Variants in ABTB2 observed in about 807,000 individuals in gnomAD.
ABTB2 encodes the protein ankyrin repeat and BTB domain containing 2, also known as ankyrin repeat and BTB/POZ domain-containing protein 2.
ABTB2 carries 56 observed loss-of-function variants against 104.1 expected under a neutral mutation model. The ratio of observed to expected loss-of-function variants is 0.54; its 90% CI spans 0.43 to 0.67. The LOEUF is 0.67. Ranked by LOEUF, ABTB2 falls within the 30% of genes least tolerant of loss-of-function variation. ABTB2 has a pLI of 0.00. For synonymous variants in ABTB2, 606 were observed against 608.2 expected, an observed-to-expected ratio of 1.00 and a Z score of 0.05; for missense variants, 1,279 against 1,407.7, an observed-to-expected ratio of 0.91 and a Z score of 1.46.
intron 1 of ABTB2, among the ~76,000 whole-genome samples, chr11:34,217,253 T>C (rs188563551): frequency 9.2e-5 from 14 of 152,334 alleles, no homozygotes; most frequent in South Asian, 8.3e-4. Context: ...ACAACTCTCC[T>C]GGGATAAGTC....
intron 1 of ABTB2, among the ~76,000 whole-genome samples, chr11:34,328,437 C>G (rs1180723187): frequency 6.6e-6 from 1 of 152,168 alleles, no homozygotes; most frequent in African/African-American, 2.4e-5. Context: ...GCCTAACCTC[C>G]CCAAGCCTCT....
chr11:34,310,333 C>G (rs1464822708), intron 1 of ABTB2, among the ~76,000 whole-genome samples: 1 of 152,154 alleles, frequency 6.6e-6, no homozygotes, highest in Admixed American at 6.5e-5. Context: ...AGCATCTACC[C>G]TGCTGTGAGT....
intron 13 of ABTB2, 148 bp downstream of exon 13, chr11:34,159,758 C>T (rs1389287001): frequency 3.3e-5 from 22 of 672,534 alleles, no homozygotes; most frequent in Admixed American, 1.5e-4. Flanking sequence ...CGCTGTGGGG[C>T]GAGTGGGGCT....
At chr11:34,332,079 TA>T (rs1382686117) in intron 1 of ABTB2, among the ~76,000 whole-genome samples, 1 of 152,226 alleles carries the variant, frequency 6.6e-6, no homozygotes, top group African/African-American at 2.4e-5. Flanking sequence ...CCCAGTATAG[TA>T]TGCAATAGCC....
chr11:34,343,621 C>T (rs1166624401), intron 1 of ABTB2, among the ~76,000 whole-genome samples: 1 of 151,932 alleles, frequency 6.6e-6, no homozygotes, highest in Non-Finnish European at 1.5e-5. Context: ...ATTACAGGCG[C>T]CTGCCACCAC....
intron 1 of ABTB2, among the ~76,000 whole-genome samples, chr11:34,296,898 G>C (rs1854629285): frequency 6.6e-6 from 1 of 152,172 alleles, no homozygotes; most frequent in Non-Finnish European, 1.5e-5. Flanking sequence ...AGTTATGGCA[G>C]GATGAAGAAG....
chr11:34,326,941 G>T (rs1855077029), intron 1 of ABTB2, among the ~76,000 whole-genome samples: 1 of 152,160 alleles, frequency 6.6e-6, no homozygotes, highest in Non-Finnish European at 1.5e-5. Flanking sequence ...TTTGGGCGTG[G>T]TGGTGGGTTC....
chr11:34,187,837 A>AG (rs1853121957), intron 3 of ABTB2, among the ~76,000 whole-genome samples: 1 of 152,178 alleles, frequency 6.6e-6, no homozygotes, highest in African/African-American at 2.4e-5. Context: ...GATGGACTAA[A>AG]GAGCAGGGAC....
At chr11:34,329,727 G>A (rs1855107989) in intron 1 of ABTB2, among the ~76,000 whole-genome samples, 1 of 152,230 alleles carries the variant, frequency 6.6e-6, no homozygotes, top group African/African-American at 2.4e-5. Flanking sequence ...GAATCCAGAA[G>A]CAAGAGTAAG....
chr11:34,356,564 C>G lies in ABTB2; in HGVS notation c.883+137G>C. ...CTCTGGCAAGTGCCATGTAATGAAC[C>G]CTATCCTCAGACCAAACGTTTTCTC... On this transcript the variant is annotated intron_variant, in intron 1 of 16. Coordinates refer to ENST00000435224, the MANE Select transcript of ABTB2 (RefSeq NM_145804.3). The surrounding 1 kb of genome is among the most constrained non-coding windows in gnomAD (Gnocchi z 4.6). 8.2e-7 allele frequency: 1 copy of G among 1,225,824 alleles called. No individual in the cohort carries two copies. The highest frequency in any genetic ancestry group is 1.1e-6 in the Non-Finnish European group (1 of 897,966). 75.9% of individuals were successfully genotyped at this position (1,225,824 alleles called of 1,614,324 possible). A position where few individuals can be genotyped will look rare whatever the true frequency, so the allele number is the denominator to read the frequency against.
intron 1 of ABTB2, among the ~76,000 whole-genome samples, chr11:34,257,826 T>G (rs1329691564): frequency 6.6e-6 from 1 of 152,156 alleles, no homozygotes; most frequent in Non-Finnish European, 1.5e-5. Flanking sequence ...CTCAAACTCC[T>G]GGGCTCAAGC....
rs1272446361 is a variant in ABTB2, at chr11:34,155,387, C to T, written c.2698-618G>A. 2.0e-5 allele frequency among the ~76,000 whole-genome samples: 3 copies of T among 152,276 alleles called. No individual in the cohort carries two copies. In the East Asian group the frequency reaches 5.8e-4, roughly 29 times the overall value. On this transcript the variant is annotated intron_variant, in intron 14 of 16. Transcript: ENST00000435224. The stretch of plus-strand genomic sequence containing the variant: ...CCCGGAGGCCCGGAGCTCCCCTCGA[C>T]AGGCTGAGCCCTGCCTTGGGCTCCC...
intron 1 of ABTB2, among the ~76,000 whole-genome samples, chr11:34,333,118 C>G (rs1163707849): frequency 6.6e-6 from 1 of 152,182 alleles, no homozygotes; most frequent in Non-Finnish European, 1.5e-5. Context: ...AGTACTATCA[C>G]TTTAAAAAAT....
At chr11:34,265,968 T>G (rs907686643) in intron 1 of ABTB2, among the ~76,000 whole-genome samples, 1 of 152,116 alleles carries the variant, frequency 6.6e-6, no homozygotes. Flanking sequence ...AAACTCCATC[T>G]CAAAAAACAG....
chr11:34,347,797 C>T (rs1220847602), intron 1 of ABTB2, among the ~76,000 whole-genome samples: 1 of 152,128 alleles, frequency 6.6e-6, no homozygotes, highest in Non-Finnish European at 1.5e-5. Context: ...AAAATGTCAG[C>T]ATCTCTGAGA....
chr11:34,219,157 G>C (rs1853585108), intron 1 of ABTB2, among the ~76,000 whole-genome samples: 1 of 152,162 alleles, frequency 6.6e-6, no homozygotes, highest in African/African-American at 2.4e-5. Context: ...AAATACTAGA[G>C]GAGGAGTCTG....
chr11:34,328,678 G>T (rs1855097017), intron 1 of ABTB2, among the ~76,000 whole-genome samples: 1 of 152,168 alleles, frequency 6.6e-6, no homozygotes, highest in African/African-American at 2.4e-5. Flanking sequence ...AGGCATTCAA[G>T]GAACCCTTAT....
chr11:34,207,833 A>G (rs982368373), intron 1 of ABTB2, among the ~76,000 whole-genome samples: 10 of 152,248 alleles, frequency 6.6e-5, no homozygotes, highest in Non-Finnish European at 1.5e-4. Flanking sequence ...CGCCTAGGAT[A>G]TTGGAGAGGA....
In ABTB2 at chr11:34,194,932, C is replaced by T. The variant is rs375916008; in HGVS notation, c.1244+2393G>A. Among the ~76,000 whole-genome samples, 11 of 152,096 alleles carry T rather than the reference C, an allele frequency of 7.2e-5. No individual in the cohort carries two copies. In the East Asian group the frequency reaches 2.1e-3, roughly 29 times the overall value. On this transcript the variant is annotated intron_variant, in intron 3 of 16. Transcript: ENST00000435224. ...GCTACGTAAACACATGCACGTGTGT[C>T]TACTACCATGCAAGCTCAGCTATTA...
Sources: gnomAD v4.1 joint callset for allele counts (sites outside exome capture counted in the v4.1 genomes callset) on GRCh38, gnomAD v4.1.1 for gene constraint, Gnocchi (gnomAD v3.1) non-coding constraint, MANE v1.5 for transcripts, NCBI Gene and HGNC (gene_info 2026-07-23, HGNC 2026-07-21) for gene names.